The following SH3BP2 variants were observed in gnomAD, a reference collection of about 807,000 sequenced individuals.
The protein encoded by SH3BP2 is SH3 domain binding protein 2.
A neutral mutation model predicts 56.2 loss-of-function variants in SH3BP2; 38 were observed. The observed-to-expected ratio is 0.68, with a 90% confidence interval of 0.52 to 0.89. SH3BP2 has a LOEUF of 0.89. Among genes scored for constraint, SH3BP2 ranks in the 40% least tolerant of loss-of-function variants. The probability of loss-of-function intolerance (pLI) is 0.00; values close to 1 mark genes in which losing one functional copy is unlikely to be tolerated. For missense variants in SH3BP2, 748 were observed against 762.6 expected, an observed-to-expected ratio of 0.98 and a Z score of 0.23; for synonymous variants, 346 against 316.7, an observed-to-expected ratio of 1.09 and a Z score of -0.98.
chr4:2,821,651 C>T (rs1724312314), intron 2 of SH3BP2, among the ~76,000 whole-genome samples: 2 of 152,140 alleles, frequency 1.3e-5, no homozygotes, highest in Admixed American at 6.5e-5. Flanking sequence ...CCTCAACCTC[C>T]CAGGCTCAGG....
chr4:2,803,569 G>A (rs1341717578), intron 1 of SH3BP2, among the ~76,000 whole-genome samples: 3 of 152,206 alleles, frequency 2.0e-5, no homozygotes, highest in Non-Finnish European at 1.5e-5. Flanking sequence ...CCAAGGCTGG[G>A]ACTGGAGCCC....
intron 1 of SH3BP2, among the ~76,000 whole-genome samples, chr4:2,817,126 G>A (rs749025916): frequency 1.1e-4 from 17 of 152,366 alleles, no homozygotes; most frequent in African/African-American, 2.6e-4. Context: ...TCTGGCTGGC[G>A]TAAGAGCACA....
intron 1 of SH3BP2, chr4:2,798,866 G>A: frequency 1.6e-6 from 1 of 620,778 alleles, no homozygotes; most frequent in Non-Finnish European, 2.0e-6. Flanking sequence ...TGTGACCTGG[G>A]CATCCTCCGC....
chr4:2,832,971 T>C lies in SH3BP2; in HGVS notation c.1489-19T>C, dbSNP rs1560114129. On this transcript the variant is annotated intron_variant, in intron 11 of 12. Transcript: ENST00000503393. ...GCTGTTTCTCAGGGAGCCGTCAGCC[T>C]CCCGCTTCCGTCCTGTAGGTCCTGG... 1 of 1,613,976 alleles carries C rather than the reference T, an allele frequency of 6.2e-7. No homozygotes were observed. The highest frequency in any genetic ancestry group is 8.5e-7 in the Non-Finnish European group (1 of 1,179,858).
Position 2,834,122 on chromosome 4 carries a change from G to A in SH3BP2, c.*288G>A, listed in dbSNP as rs936538796. On this transcript the variant is annotated 3_prime_UTR_variant, in exon 13 of 13. Transcript: ENST00000503393. ...GACCAAGCTGTGCCTGGGCTCCAAG[G>A]ACAGGAACACTGGTCCCCCCATCAC... 4.7e-6 allele frequency: 2 copies of A among 423,036 alleles called. No individual in the cohort carries two copies. The highest frequency in any genetic ancestry group is 4.0e-5 in the African/African-American group (2 of 50,410). The allele number at this position is 423,036 out of a possible 1,614,324, so 26.2% of individuals were successfully genotyped here.
At chr4:2,818,967 C>T (rs553853173) in intron 1 of SH3BP2, 3 of 911,120 alleles carry the variant, frequency 3.3e-6, no homozygotes, top group African/African-American at 1.8e-5. Flanking sequence ...TTAGCTCCAG[C>T]TCAGTTGCCC....
intron 8 of SH3BP2, among the ~76,000 whole-genome samples, chr4:2,830,858 G>A (rs976222188): frequency 2.6e-5 from 4 of 152,304 alleles, no homozygotes; most frequent in East Asian, 1.9e-4. Context: ...GCGCACCCCC[G>A]AATGCCCTTG....
chr4:2,793,258 C>T (rs1379887967), intron 1 of SH3BP2, 120 bp downstream of exon 1: 1 of 131,234 alleles, frequency 7.6e-6, no homozygotes, highest in Non-Finnish European at 1.7e-5. Context: ...TCTCGGGGGT[C>T]TCGGGGGAGT....
intron 10 of SH3BP2, 34 bp downstream of exon 10, chr4:2,832,012 C>T (rs368316996): frequency 4.7e-5 from 76 of 1,606,118 alleles, no homozygotes; most frequent in South Asian, 3.6e-4. Flanking sequence ...CTGGGTCCTC[C>T]GCCATGCCCG....
intron 1 of SH3BP2, among the ~76,000 whole-genome samples, chr4:2,816,401 T>C (rs1723999361): frequency 6.6e-6 from 1 of 152,274 alleles, no homozygotes; most frequent in Admixed American, 6.5e-5. Flanking sequence ...ATCTAATCAG[T>C]GAATAATTGT....
At chr4:2,802,139 T>C (rs1278576931) in intron 1 of SH3BP2, among the ~76,000 whole-genome samples, 6 of 144,334 alleles carry the variant, frequency 4.2e-5, no homozygotes, top group Admixed American at 2.0e-4. Flanking sequence ...TGGCTCACAC[T>C]TGTAATCCCA....
At chr4:2,800,556 C>CT (rs894905870) in intron 1 of SH3BP2, among the ~76,000 whole-genome samples, 3 of 151,670 alleles carry the variant, frequency 2.0e-5, no homozygotes, top group South Asian at 2.1e-4. Flanking sequence ...ACCGCCCCCC[C>CT]CCCGGGCTGA....
At chr4:2,820,382 T>C (rs1186761767) in intron 1 of SH3BP2, among the ~76,000 whole-genome samples, 2 of 152,050 alleles carry the variant, frequency 1.3e-5, no homozygotes, top group Non-Finnish European at 2.9e-5. Context: ...GATCCTGGGG[T>C]TGGGTTTGTG....
At chr4:2,830,392 C>G (rs1158782769) in intron 8 of SH3BP2, among the ~76,000 whole-genome samples, 1 of 152,170 alleles carries the variant, frequency 6.6e-6, no homozygotes, top group Non-Finnish European at 1.5e-5. Flanking sequence ...GACAGGGTCT[C>G]ACGCTGGCAA....
rs1409749514 is a variant in SH3BP2 at position 2,836,752 on chromosome 4, C to T, written c.*2918C>T. Reference sequence around the variant, plus strand: ...ACTGCCCCGCCTCACCCTGCGTTGCCCTCTGGGTCTGTGAGGGTGGGCTGG... The same window carrying T: ...ACTGCCCCGCCTCACCCTGCGTTGCTCTCTGGGTCTGTGAGGGTGGGCTGG... On this transcript the variant is annotated 3_prime_UTR_variant, in exon 13 of 13. Transcript: ENST00000503393. 8 of 152,278 alleles carry T rather than the reference C, an allele frequency of 5.3e-5. No homozygotes were observed. The highest frequency in any genetic ancestry group is 1.9e-4 in the African/African-American group (8 of 41,466). 9.4% of individuals were successfully genotyped at this position (152,278 alleles called of 1,614,324 possible).
Position 2,831,473 on chromosome 4 carries a change from C to A in SH3BP2, c.1242-98C>A. On this transcript the variant is annotated intron_variant, in intron 8 of 12. Coordinates refer to ENST00000503393, the MANE Select transcript of SH3BP2 (RefSeq NM_001122681.2). The surrounding 1 kb of genome is among the most constrained non-coding windows in gnomAD (Gnocchi z 4.1). ...ACAGGGGCCATAGCAGGCAGCTTGCCGTCCTCACACAGAGGGTGGAGTGGG... is the reference window on the plus strand; with the variant it reads ...ACAGGGGCCATAGCAGGCAGCTTGCAGTCCTCACACAGAGGGTGGAGTGGG... The A allele has an allele frequency of 1.1e-6, 1 of 897,644 alleles. No individual in the cohort carries two copies. The highest frequency in any genetic ancestry group is 1.8e-6 in the Non-Finnish European group (1 of 551,598). 55.6% of individuals were successfully genotyped at this position (897,644 alleles called of 1,614,324 possible). A position where few individuals can be genotyped will look rare whatever the true frequency, so the allele number is the denominator to read the frequency against.
intron 1 of SH3BP2, among the ~76,000 whole-genome samples, chr4:2,807,486 G>T (rs572433372): frequency 2.6e-5 from 4 of 152,320 alleles, no homozygotes; most frequent in African/African-American, 9.6e-5. Flanking sequence ...GACACATGGG[G>T]TAATGCTGGT....
chr4:2,832,467 C>A, intron 11 of SH3BP2, 55 bp downstream of exon 11: 3 of 1,372,188 alleles, frequency 2.2e-6, no homozygotes, highest in Non-Finnish European at 3.1e-6. Context: ...CACACCCAGG[C>A]TGTGGGTGGG....
At position 2,834,159 on chromosome 4, in the gene SH3BP2, AGT is replaced by A. The variant is rs1215302662; in HGVS notation, c.*327_*328del. ...GGTCCCCCCATCACACTCACCCCTA[AGT>A]GGGCTGGGAGCCAGGCAGGGCCAGG... On this transcript the variant is annotated 3_prime_UTR_variant, in exon 13 of 13. Transcript: ENST00000503393. 3.7e-6 allele frequency: 1 copy of A among 273,198 alleles called. No homozygotes were observed. The highest frequency in any genetic ancestry group is 7.0e-6 in the Non-Finnish European group (1 of 143,244). The allele number at this position is 273,198 out of a possible 1,614,324, so 16.9% of individuals were successfully genotyped here.
Sources: gnomAD v4.1 joint callset for allele counts (sites outside exome capture counted in the v4.1 genomes callset) on GRCh38, gnomAD v4.1.1 for gene constraint, Gnocchi (gnomAD v3.1) non-coding constraint, MANE v1.5 for transcripts, NCBI Gene and HGNC (gene_info 2026-07-23, HGNC 2026-07-21) for gene names.